Variants in LRP1B observed in about 807,000 individuals in gnomAD.
LRP1B encodes the protein low-density lipoprotein receptor-related protein 1B.
In LRP1B, 217 loss-of-function variants were observed where a neutral mutation model predicts 556.6. That is an observed-to-expected ratio of 0.39 (90% CI 0.35 to 0.44). The LOEUF (loss-of-function observed/expected upper bound fraction) is 0.44. LRP1B is among the 20% of genes least tolerant of loss of function. The pLI is 1.00. For synonymous variants in LRP1B, 2,047 were observed against 1,865.8 expected (o/e 1.10, Z -2.50); for missense variants, 5,053 against 5,620.8 (o/e 0.90, Z 3.23).
At chr2:141,656,571 G>C (rs1280181933) in intron 2 of LRP1B, among the ~76,000 whole-genome samples, 5 of 151,988 alleles carry the variant, frequency 3.3e-5, no homozygotes, top group African/African-American at 4.8e-5. Context: ...CTAATTAAAT[G>C]ATAGTTTTAT....
rs531040434 is a variant in LRP1B at position 140,522,441 on chromosome 2, G to T, written c.8026+3403C>A. On this transcript the variant is annotated intron_variant, in intron 49 of 90. Coordinates refer to ENST00000389484, the MANE Select transcript of LRP1B (RefSeq NM_018557.3). ...TGGCAAAAACAGTATTAAAAGGAAG[G>T]TTTATAGTACTAAATGTCCACATCA... 4.6e-5 allele frequency among the ~76,000 whole-genome samples: 7 copies of T among 151,916 alleles called. No homozygotes were observed. In the South Asian group the frequency reaches 8.3e-4, roughly 18 times the overall value.
At chr2:140,447,351 A>G (rs1212088904) in intron 63 of LRP1B, among the ~76,000 whole-genome samples, 1 of 152,082 alleles carries the variant, frequency 6.6e-6, no homozygotes, top group African/African-American at 2.4e-5. Flanking sequence ...GTTCAGTTCC[A>G]GACCACCACA....
At chr2:141,690,401 ATATAT>A (rs1558806522) in intron 2 of LRP1B, among the ~76,000 whole-genome samples, 3,022 of 107,500 alleles carry the variant, frequency 0.028, 232 homozygotes, top group East Asian at 0.079. Context: ...CTATAAATAT[ATATAT>A]ATATATATAT....
Position 141,442,420 on chromosome 2 carries a change from A to G in LRP1B, c.343+37976T>C, listed in dbSNP as rs1025473128. Reference sequence around the variant, plus strand: ...AAGGTCTGTATGTTTTAATCTTCACACATTCTTTTTTTTTTTTTTTTAATT... The same window carrying G: ...AAGGTCTGTATGTTTTAATCTTCACGCATTCTTTTTTTTTTTTTTTTAATT... On this transcript the variant is annotated intron_variant, in intron 3 of 90. Coordinates refer to ENST00000389484, the MANE Select transcript of LRP1B (RefSeq NM_018557.3). 3.6e-5 allele frequency among the ~76,000 whole-genome samples: 5 copies of G among 139,032 alleles called. 1 individual carries two copies. The highest frequency in any genetic ancestry group is 3.0e-4 in the Admixed American group (4 of 13,190). The allele number at this position is 139,032 out of a possible 152,430, so 91.2% of individuals were successfully genotyped here.
intron 3 of LRP1B, among the ~76,000 whole-genome samples, chr2:141,470,614 C>T (rs544024302): frequency 5.1e-4 from 78 of 152,228 alleles, no homozygotes; most frequent in African/African-American, 1.7e-3. Flanking sequence ...CAGGGTTTAA[C>T]GCTTGCTTTC....
At chr2:141,799,795 T>G (rs1695943197) in intron 2 of LRP1B, among the ~76,000 whole-genome samples, 2 of 150,550 alleles carry the variant, frequency 1.3e-5, no homozygotes. Flanking sequence ...CAATCTGTTT[T>G]TAAAGAGTGT....
intron 3 of LRP1B, among the ~76,000 whole-genome samples, chr2:141,260,124 G>T (rs1466941838): frequency 6.6e-6 from 1 of 151,946 alleles, no homozygotes; most frequent in African/African-American, 2.4e-5. Flanking sequence ...TGTTTGTTTG[G>T]TAAGTTCTCT....
intron 1 of LRP1B, among the ~76,000 whole-genome samples, chr2:141,863,602 A>G (rs1315919801): frequency 6.6e-6 from 1 of 152,204 alleles, no homozygotes; most frequent in Admixed American, 6.5e-5. Flanking sequence ...GGAGATCAAC[A>G]AATTTTTATT....
intron 82 of LRP1B, among the ~76,000 whole-genome samples, chr2:140,319,667 T>C (rs1679989936): frequency 1.3e-5 from 2 of 152,128 alleles, no homozygotes; most frequent in South Asian, 2.1e-4. Flanking sequence ...AAATAACTAA[T>C]GGATACTAGG....
intron 7 of LRP1B, among the ~76,000 whole-genome samples, chr2:141,114,760 A>C (rs1027343479): frequency 6.6e-6 from 1 of 152,132 alleles, no homozygotes; most frequent in Non-Finnish European, 1.5e-5. Context: ...TCTTCTACCC[A>C]GCATTTCCCT....
chr2:140,840,817 G>T, intron 30 of LRP1B, 101 bp downstream of exon 30: 6 of 839,296 alleles, frequency 7.1e-6, no homozygotes, highest in South Asian at 6.9e-5. Context: ...TCTTATGGCT[G>T]TTATATATAT....
At chr2:141,057,849 T>C (rs1018744002) in intron 9 of LRP1B, among the ~76,000 whole-genome samples, 1 of 151,950 alleles carries the variant, frequency 6.6e-6, no homozygotes, top group Non-Finnish European at 1.5e-5. Flanking sequence ...CATTATTCAA[T>C]GTCATCTTTT....
chr2:141,149,986 A>G (rs569985453), intron 7 of LRP1B, among the ~76,000 whole-genome samples: 1 of 152,280 alleles, frequency 6.6e-6, no homozygotes, highest in African/African-American at 2.4e-5. Flanking sequence ...GGTTTTTTGA[A>G]TAGTTGGAAG....
rs188906985 is a variant in LRP1B, at chr2:142,073,874, T to C, written c.82+56774A>G. On this transcript the variant is annotated intron_variant, in intron 1 of 90. Coordinates refer to ENST00000389484, the MANE Select transcript of LRP1B (RefSeq NM_018557.3). ...AGCCACGTGCACTGCTGGCTTCCCC[T>C]TCACTTTGGGCCATGATTGAAAATT... 8.6e-5 allele frequency among the ~76,000 whole-genome samples: 13 copies of C among 152,036 alleles called. No homozygotes were observed. The East Asian group carries it at 2.1e-3, about 25-fold the overall frequency.
chr2:140,650,160 T>C (rs1042146507), intron 41 of LRP1B, among the ~76,000 whole-genome samples: 9 of 151,910 alleles, frequency 5.9e-5, no homozygotes, highest in Non-Finnish European at 1.3e-4. Flanking sequence ...ACAAAGGTTT[T>C]TTAAAAAAAT....
At chr2:140,750,358 A>AAT (rs1489539267) in intron 35 of LRP1B, among the ~76,000 whole-genome samples, 3 of 152,208 alleles carry the variant, frequency 2.0e-5, no homozygotes, top group Admixed American at 6.5e-5. Context: ...ACAAATGTAT[A>AAT]AAAGTTAACC....
At chr2:141,051,443 G>C (rs1699032899) in intron 10 of LRP1B, among the ~76,000 whole-genome samples, 1 of 152,106 alleles carries the variant, frequency 6.6e-6, no homozygotes, top group African/African-American at 2.4e-5. Flanking sequence ...ATACTATGCA[G>C]CCATAAAAAA....
chr2:140,595,249 A>G (rs1021436281), intron 43 of LRP1B, among the ~76,000 whole-genome samples: 1 of 151,550 alleles, frequency 6.6e-6, no homozygotes, highest in African/African-American at 2.4e-5. Flanking sequence ...CATTTCATGT[A>G]GTAAGTGGAA....
intron 2 of LRP1B, among the ~76,000 whole-genome samples, chr2:141,664,297 G>A (rs1690339368): frequency 6.6e-6 from 1 of 152,144 alleles, no homozygotes; most frequent in Non-Finnish European, 1.5e-5. Flanking sequence ...AAAACCAGCA[G>A]AACACAAGGA....
Sources: gnomAD v4.1 joint callset for allele counts (sites outside exome capture counted in the v4.1 genomes callset) on GRCh38, gnomAD v4.1.1 for gene constraint, MANE v1.5 for transcripts, NCBI Gene and HGNC (gene_info 2026-07-23, HGNC 2026-07-21) for gene names.